OVCH1: variants seen among roughly 807,000 people sequenced by gnomAD.
OVCH1 encodes the protein ovochymase-1.
Under a neutral mutation model 138.4 loss-of-function variants are expected in OVCH1, and 139 were observed. The observed-to-expected ratio is 1.00, with a 90% CI of 0.87 to 1.16. The LOEUF (loss-of-function observed/expected upper bound fraction) is 1.16. Among genes scored for constraint, OVCH1 ranks in the 50% most tolerant of loss-of-function variants. OVCH1 has a pLI of 0.00. For missense variants in OVCH1, 1,367 were observed against 1,357.9 expected (o/e 1.01, Z -0.11); for synonymous variants, 453 against 467.8 (o/e 0.97, Z 0.41).
intron 21 of OVCH1, among the ~76,000 whole-genome samples, 179 bp downstream of exon 21, chr12:29,454,662 T>G (rs1941894512): frequency 6.6e-6 from 1 of 152,084 alleles, no homozygotes; most frequent in Non-Finnish European, 1.5e-5. Flanking sequence ...AGCTTTGGGG[T>G]AGGAATGATC....
At chr12:29,445,985 A>G (rs1452608187) in intron 22 of OVCH1, among the ~76,000 whole-genome samples, 1 of 152,142 alleles carries the variant, frequency 6.6e-6, no homozygotes, top group Admixed American at 6.6e-5. Context: ...ATTTATTTAA[A>G]TGTCACCTGC....
chr12:29,414,934 A>G (rs1465615489), intron 3 of OVCH1, among the ~76,000 whole-genome samples: 1 of 152,174 alleles, frequency 6.6e-6, no homozygotes, highest in Admixed American at 6.5e-5. Flanking sequence ...AAAACTTACA[A>G]TAGGTATATT....
chr12:29,477,600 A>G (rs781662871), intron 9 of OVCH1, 122 bp from the exon 11 acceptor site: 1 of 1,612,088 alleles, frequency 6.2e-7, no homozygotes, highest in South Asian at 1.1e-5. Flanking sequence ...AAACTATTTA[A>G]TGGTCCTTTG....
the OVCH1 span, among the ~76,000 whole-genome samples, chr12:29,403,026 A>G: frequency 3.9e-4 from 59 of 152,216 alleles, 1 homozygote; most frequent in Admixed American, 3.9e-3. Flanking sequence ...TTAAATACAG[A>G]CAGAAATATT....
intron 19 of OVCH1, among the ~76,000 whole-genome samples, chr12:29,458,959 G>A (rs1318696319): frequency 6.6e-6 from 1 of 152,112 alleles, no homozygotes; most frequent in Non-Finnish European, 1.5e-5. Context: ...TAGTTAAAAT[G>A]GCTTTTATCC....
At chr12:29,471,821 C>A in exon 16 of OVCH1, 1 of 1,610,828 alleles carries the variant, frequency 6.2e-7, no homozygotes, top group African/African-American at 1.3e-5. Flanking sequence ...CAGTGGGCTG[C>A]GGTCAGAATC....
chr12:29,444,048 G>T (rs1941552806), intron 24 of OVCH1, 97 bp downstream of exon 24: 6 of 1,350,826 alleles, frequency 4.4e-6, no homozygotes, highest in African/African-American at 1.5e-5. Flanking sequence ...TGGAAAAAAG[G>T]TGAAGAATAA....
At chr12:29,461,923 A>G (rs1453523079) in exon 19 of OVCH1, 2 of 1,613,910 alleles carry the variant, frequency 1.2e-6, no homozygotes, top group Non-Finnish European at 1.7e-6. Flanking sequence ...TCCCTCCTGG[A>G]TGGGCAGAAT....
chr12:29,436,329 G>C (rs1348038943), intron 26 of OVCH1, among the ~76,000 whole-genome samples: 5 of 151,668 alleles, frequency 3.3e-5, no homozygotes, highest in African/African-American at 1.2e-4. Context: ...TATTTCTCTA[G>C]AAAACATACT....
At chr12:29,459,461 A>T (rs1942058239) in intron 19 of OVCH1, among the ~76,000 whole-genome samples, 1 of 152,164 alleles carries the variant, frequency 6.6e-6, no homozygotes, top group African/African-American at 2.4e-5. Flanking sequence ...GGGATAGAGT[A>T]TAGAAGGATG....
intron 1 of OVCH1, 74 bp from the exon 2 acceptor site, chr12:29,496,748 T>G: frequency 8.9e-7 from 1 of 1,124,018 alleles, no homozygotes; most frequent in Non-Finnish European, 1.3e-6. Flanking sequence ...ATTTCCCATT[T>G]GGATTTTCCT....
intron 25 of OVCH1, chr12:29,440,726 A>G (rs1402770766): frequency 4.4e-6 from 2 of 455,880 alleles, no homozygotes; most frequent in African/African-American, 4.0e-5. Context: ...AAGAAAGCTC[A>G]GTGCTCATCA....
At chr12:29,424,061 CAG>C (rs1368962497), downstream of OVCH1, among the ~76,000 whole-genome samples, 5 of 152,306 alleles carry the variant, frequency 3.3e-5, no homozygotes, top group Admixed American at 2.6e-4. Context: ...CGTGGGAAAT[CAG>C]GGGTCTCACA....
rs116522148 is a variant in OVCH1, at chr12:29,454,275, G to A, written c.2530+566C>T. On this transcript the variant is annotated intron_variant, in intron 21 of 27. Transcript: ENST00000318184. ...AAACTCTTACTAGTTGTTTACTGGG[G>A]TTGAATGTATTGGGGAAGATGTGGG... Among the ~76,000 whole-genome samples the A allele has an allele frequency of 1.6e-3, 244 of 152,184 alleles. 2 individuals are homozygous for A. The highest frequency in any genetic ancestry group is 5.5e-3 in the African/African-American group (227 of 41,522).
chr12:29,409,980 AT>A (rs894697943), downstream of OVCH1, among the ~76,000 whole-genome samples: 1 of 152,006 alleles, frequency 6.6e-6, no homozygotes, highest in African/African-American at 2.4e-5. Flanking sequence ...TGCTTTATGA[AT>A]CTGGGTGCTC....
intron 12 of OVCH1, 73 bp downstream of exon 12, chr12:29,477,029 C>T: frequency 3.5e-6 from 5 of 1,415,880 alleles, no homozygotes; most frequent in Non-Finnish European, 4.7e-6. Flanking sequence ...TTTAACAATC[C>T]AGATGAATTA....
rs539243951 is a variant in OVCH1, at chr12:29,433,492, GGT to G, written c.3327+257_3327+258del. ...TTTCTTTATAAATTACCCAGTCTCA[GGT>G]ATTTCTTCATAGCAGTATGAAAATG... On this transcript the variant is annotated intron_variant, in intron 27 of 27. Transcript: ENST00000318184. Among the ~76,000 whole-genome samples, 199 of 152,174 alleles carry G rather than the reference GGT, an allele frequency of 1.3e-3. 1 individual carries two copies. Among genetic ancestry groups the G allele is most frequent in the Middle Eastern group, 6.8e-3 (2 of 294 alleles).
chr12:29,463,681 C>T (rs1942216498), intron 18 of OVCH1, among the ~76,000 whole-genome samples: 1 of 152,142 alleles, frequency 6.6e-6, no homozygotes. Flanking sequence ...TGGGTTACAA[C>T]CTCTCCATTT....
At chr12:29,461,990 C>T (rs560948273) in exon 19 of OVCH1, 48 of 1,612,496 alleles carry the variant, frequency 3.0e-5, no homozygotes, top group Non-Finnish European at 3.8e-5. Context: ...CTGCTGTAGG[C>T]GACTTGCTAG....
Sources: gnomAD v4.1 joint callset for allele counts (sites outside exome capture counted in the v4.1 genomes callset) on GRCh38, gnomAD v4.1.1 for gene constraint, MANE v1.5 for transcripts, NCBI Gene and HGNC (gene_info 2026-07-23, HGNC 2026-07-21) for gene names.